MYO5C: variants seen among roughly 807,000 people sequenced by gnomAD.
MYO5C encodes the protein myosin VC, also known as unconventional myosin-Vc.
MYO5C carries 194 observed loss-of-function variants against 235.7 expected under a neutral mutation model. The ratio of observed to expected loss-of-function variants is 0.82; its 90% CI spans 0.73 to 0.93. The LOEUF (loss-of-function observed/expected upper bound fraction) is 0.93. Ranked by LOEUF, MYO5C falls within the 40% of genes least tolerant of loss-of-function variation. The pLI, the probability that MYO5C is intolerant of heterozygous loss-of-function variation, is 0.00. For synonymous variants in MYO5C, 707 were observed against 754.8 expected (o/e 0.94, Z 1.04); for missense variants, 2,038 against 2,127.2 (o/e 0.96, Z 0.82).
At chr15:52,242,285 T>G in intron 19 of MYO5C, 72 bp from the exon 20 acceptor site, 3 of 1,479,878 alleles carry the variant, frequency 2.0e-6, no homozygotes, top group Non-Finnish European at 2.7e-6. Context: ...GCTGCAAGCT[T>G]GGCTAGCATG....
chr15:52,256,506 G>A lies in MYO5C; in HGVS notation c.1395+133C>T, dbSNP rs2036581429. 4 of 626,400 alleles carry A rather than the reference G, an allele frequency of 6.4e-6. No homozygotes were observed. The African/African-American group carries it at 7.3e-5, about 11-fold the overall frequency. 38.8% of individuals were successfully genotyped at this position (626,400 alleles called of 1,614,324 possible). A position where few individuals can be genotyped will look rare whatever the true frequency, so the allele number is the denominator to read the frequency against. ...ACAAGGTGGTGCAGTGACCCAGCGTGAGGCTCCTTGCATAAAAATTTGCAA... is the reference window on the plus strand; with the variant it reads ...ACAAGGTGGTGCAGTGACCCAGCGTAAGGCTCCTTGCATAAAAATTTGCAA... On this transcript the variant is annotated intron_variant, in intron 11 of 40. Transcript: ENST00000261839.
At chr15:52,269,207 T>C (rs1035053646) in intron 8 of MYO5C, among the ~76,000 whole-genome samples, 3 of 152,240 alleles carry the variant, frequency 2.0e-5, no homozygotes, top group Non-Finnish European at 2.9e-5. Context: ...TTGCAGCCCA[T>C]GCCTCTCACA....
intron 32 of MYO5C, among the ~76,000 whole-genome samples, chr15:52,216,371 T>A (rs950860837): frequency 4.6e-5 from 7 of 151,982 alleles, no homozygotes; most frequent in African/African-American, 1.7e-4. Flanking sequence ...TGCACCACTA[T>A]ATATATATTT....
chr15:52,265,346 A>G (rs1018593795), intron 8 of MYO5C: 2 of 152,122 alleles, frequency 1.3e-5, no homozygotes, highest in Non-Finnish European at 2.9e-5. Flanking sequence ...GTGTGTGTTA[A>G]TGACACTGTG....
At chr15:52,203,785 C>T (rs956661049) in intron 38 of MYO5C, among the ~76,000 whole-genome samples, 19 of 152,210 alleles carry the variant, frequency 1.2e-4, no homozygotes. Context: ...CAGCCCCCCA[C>T]TACTCTTCCC....
intron 39 of MYO5C, among the ~76,000 whole-genome samples, chr15:52,195,962 CTTTTTTTTTT>C (rs71130140): frequency 4.9e-5 from 4 of 80,992 alleles, no homozygotes; most frequent in Non-Finnish European, 8.1e-5. Flanking sequence ...TCACACCCAG[CTTTTTTTTTT>C]TTTTTTTTTT....
intron 2 of MYO5C, among the ~76,000 whole-genome samples, chr15:52,281,419 C>A (rs2140860066): frequency 6.6e-6 from 1 of 152,374 alleles, no homozygotes; most frequent in Middle Eastern, 3.4e-3. Context: ...AAGCAGCAAA[C>A]TGCCACTGCA....
At chr15:52,261,251 G>A (rs1399754164) in intron 9 of MYO5C, 124 bp from the exon 10 acceptor site, 6 of 1,173,460 alleles carry the variant, frequency 5.1e-6, no homozygotes, top group East Asian at 2.6e-5. Context: ...GCTGGCACAA[G>A]GACGCCCAGC....
In MYO5C at chr15:52,213,245, C is replaced by T. The variant is rs771856872; in HGVS notation, c.4084G>A (p.Gly1362Arg). The T allele has an allele frequency of 1.2e-6, 2 of 1,614,070 alleles. No individual in the cohort carries two copies. Among genetic ancestry groups the T allele is most frequent in the Non-Finnish European group, 1.7e-6 (2 of 1,179,970 alleles). ...HSSSGPKEYL[G>R]MLQYKREDEA... ...TCTTCTCTCTTGTATTGCAGCATTC[C>T]AAGGTACTCCTTGGGTCCTGAGGAC... Residue 1362 changes from glycine (G) to arginine (R), a missense_variant, in exon 34 of 41, where the codon GGA becomes AGA. Physicochemically the swap from Gly to Arg is moderately radical, Grantham distance 125 (BLOSUM62 -2). Transcript: ENST00000261839.
In MYO5C at chr15:52,194,064, G is replaced by A. The variant is rs537700348; in HGVS notation, c.5077-10C>T. 5 of 1,603,450 alleles carry A rather than the reference G, an allele frequency of 3.1e-6. No individual in the cohort carries two copies. The highest frequency in any genetic ancestry group is 1.1e-5 in the South Asian group (1 of 88,396). On this transcript the variant is annotated splice_polypyrimidine_tract_variant and intron_variant, in intron 40 of 40. Coordinates refer to ENST00000261839, the MANE Select transcript of MYO5C (RefSeq NM_018728.4). ...GGCTATTTAGGAGAGCCTGAAATTA[G>A]AATCAGAGGAAAAATGAGTAAGGAA... is the stretch of plus-strand genomic sequence containing the variant.
intron 37 of MYO5C, 174 bp from the exon 38 acceptor site, chr15:52,205,321 G>T: frequency 1.4e-6 from 1 of 701,572 alleles, no homozygotes; most frequent in Non-Finnish European, 2.3e-6. Flanking sequence ...TGTGTGTCAG[G>T]GTTAGGGATG....
At chr15:52,271,720 C>T (rs751228770) in intron 7 of MYO5C, 43 bp downstream of exon 7, 27 of 1,146,158 alleles carry the variant, frequency 2.4e-5, no homozygotes, top group Non-Finnish European at 2.9e-5. Flanking sequence ...AATTTAAGCC[C>T]TCCATAAAAG....
intron 38 of MYO5C, among the ~76,000 whole-genome samples, chr15:52,203,109 G>A (rs1293501182): frequency 1.3e-5 from 2 of 151,802 alleles, no homozygotes; most frequent in South Asian, 2.1e-4. Context: ...TTTTAGTACA[G>A]ACAGAGGTTT....
At chr15:52,252,317 C>A (rs1477682142) in intron 12 of MYO5C, among the ~76,000 whole-genome samples, 1 of 152,150 alleles carries the variant, frequency 6.6e-6, no homozygotes, top group Non-Finnish European at 1.5e-5. Flanking sequence ...AATAGAGAGT[C>A]CTCCCCTTCC....
At chr15:52,233,747 C>T (rs1401478619) in intron 23 of MYO5C, among the ~76,000 whole-genome samples, 3 of 152,202 alleles carry the variant, frequency 2.0e-5, no homozygotes, top group Non-Finnish European at 1.5e-5. Flanking sequence ...CCCAACACAC[C>T]CATATGCCAC....
intron 8 of MYO5C, among the ~76,000 whole-genome samples, chr15:52,266,377 C>G (rs1047941797): frequency 4.6e-5 from 7 of 152,116 alleles, no homozygotes; most frequent in African/African-American, 7.2e-5. Context: ...TGGCAGGGGT[C>G]AGTGGATGAA....
chr15:52,245,458 A>G lies in MYO5C; in HGVS notation c.2074T>C (p.Tyr692His), dbSNP rs753890613. 4.3e-6 allele frequency: 7 copies of G among 1,612,504 alleles called. No homozygotes were observed. The highest frequency in any genetic ancestry group is 1.7e-5 in the Admixed American group (1 of 60,036). The stretch of plus-strand genomic sequence containing the variant: ...CCGTAGCGACTGTAGAACTCGATGT[A>G]TGTCCACCTGGAAAATCAAAGGGGA... ...SAQSYPSRWT[Y>H]IEFYSRYGIL... is the part of the protein sequence containing the mutation. The change falls in exon 18 of 41, where the codon TAC (tyrosine) becomes CAC (histidine). Residue 692 changes from tyrosine (Y) to histidine (H), a missense_variant. Coordinates refer to ENST00000261839, the MANE Select transcript of MYO5C (RefSeq NM_018728.4).
In MYO5C at chr15:52,223,619, C is replaced by A. The variant is rs1302370495; in HGVS notation, c.3552G>T (p.Gln1184His). The change falls in exon 29 of 41, where the codon CAG (glutamine) becomes CAT (histidine). Residue 1184 changes from glutamine (Q) to histidine (H), a missense_variant. By Grantham distance (24) the Gln-to-His change is conservative. Coordinates refer to ENST00000261839, the MANE Select transcript of MYO5C (RefSeq NM_018728.4). The part of the protein sequence containing the change: ...VHLSQEINHL[Q>H]KLFREENDIN... ...TGTCATTTTCTTCTCTGAATAACTT[C>A]TGCAGGTGGTTGATTTCTTGACTGA... is the stretch of plus-strand genomic sequence containing the variant. 3.1e-6 allele frequency: 5 copies of A among 1,614,072 alleles called. No individual in the cohort carries two copies. The African/African-American group carries it at 6.7e-5, about 22-fold the overall frequency.
chr15:52,274,948 G>A (rs1246462347), intron 5 of MYO5C, among the ~76,000 whole-genome samples: 2 of 152,226 alleles, frequency 1.3e-5, no homozygotes, highest in African/African-American at 4.8e-5. Flanking sequence ...GGCAGCTGGA[G>A]TTGGCTTGCA....
Sources: allele counts gnomAD v4.1 joint callset (sites outside exome capture counted in the v4.1 genomes callset), GRCh38; gene constraint gnomAD v4.1.1; transcripts MANE v1.5; gene names NCBI Gene and HGNC (gene_info 2026-07-23, HGNC 2026-07-21).